Variants in AFAP1L2 observed in about 807,000 individuals in gnomAD.
AFAP1L2 encodes actin filament-associated protein 1-like 2.
AFAP1L2 carries 46 observed loss-of-function variants against 99.3 expected under a neutral mutation model. The ratio of observed to expected loss-of-function variants is 0.46; its 90% confidence interval spans 0.37 to 0.59. The LOEUF is 0.59. Among genes scored for constraint, AFAP1L2 ranks in the 20% least tolerant of loss-of-function variants. The pLI, the probability that AFAP1L2 is intolerant of heterozygous loss-of-function variation, is 0.00. For synonymous variants in AFAP1L2, 397 were observed against 419.1 expected (o/e 0.95, Z 0.64); for missense variants, 959 against 1,034.9 (o/e 0.93, Z 1.01).
intron 1 of AFAP1L2, among the ~76,000 whole-genome samples, chr10:114,402,194 T>C (rs1299273448): frequency 6.6e-6 from 1 of 152,254 alleles, no homozygotes; most frequent in Non-Finnish European, 1.5e-5. Flanking sequence ...TTTAAGAAGA[T>C]GGCCCCAGTC....
In AFAP1L2 at chr10:114,388,686, G is replaced by A. The variant is rs2056804019; in HGVS notation, c.16+15754C>T. ...GAAAATGTCCATTGTGTGAATACCT[G>A]GATATTCTCCCATTTAAAGGGGCTA... On this transcript the variant is annotated intron_variant, in intron 1 of 18. Transcript: ENST00000304129. Among the ~76,000 whole-genome samples, 3 of 152,122 alleles carry A rather than the reference G, an allele frequency of 2.0e-5. No homozygotes were observed. The South Asian group carries it at 6.2e-4, about 31-fold the overall frequency.
At chr10:114,361,099 C>A (rs557712592) in intron 1 of AFAP1L2, among the ~76,000 whole-genome samples, 2 of 152,264 alleles carry the variant, frequency 1.3e-5, no homozygotes, top group African/African-American at 4.8e-5. Flanking sequence ...GGAAAACTCC[C>A]CCCTTATAAT....
the AFAP1L2 span, chr10:114,286,512 G>GT: frequency 6.4e-7 from 1 of 1,559,794 alleles, no homozygotes. Flanking sequence ...CAGCGGCCAG[G>GT]TAAGGTCCCA....
At chr10:114,340,871 G>A (rs559264079) in intron 1 of AFAP1L2, 140 bp from the exon 2 acceptor site, 74 of 1,190,098 alleles carry the variant, frequency 6.2e-5, no homozygotes, top group East Asian at 4.5e-4. Flanking sequence ...GTCTGGCAGC[G>A]TATGGGGGGA....
intron 1 of AFAP1L2, among the ~76,000 whole-genome samples, chr10:114,379,251 A>G (rs2055259720): frequency 6.6e-6 from 1 of 151,510 alleles, no homozygotes. Flanking sequence ...ATCACTGGCC[A>G]TCACTGAGGG....
Position 114,295,718 on chromosome 10 carries a change from AG to A in AFAP1L2, c.*323del. On this transcript the variant is annotated 3_prime_UTR_variant, in exon 19 of 19. Coordinates refer to ENST00000304129, the MANE Select transcript of AFAP1L2 (RefSeq NM_001001936.3). ...CATCTTCCACCAAAGTCTAAACAGG[AG>A]GTTTTCACTATTTAAAAATCTTAGT... is the stretch of plus-strand genomic sequence containing the variant. 1.4e-5 allele frequency: 15 copies of A among 1,081,098 alleles called. No homozygotes were observed. Among genetic ancestry groups the A allele is most frequent in the Non-Finnish European group, 1.7e-5 (15 of 890,882 alleles). The allele number at this position is 1,081,098 out of a possible 1,614,324, so 67.0% of individuals were successfully genotyped here.
At position 114,301,051 on chromosome 10, in the gene AFAP1L2, G is replaced by T. The variant is rs116918534; in HGVS notation, c.1542+303C>A. Among the ~76,000 whole-genome samples the T allele has an allele frequency of 1.4e-4, 22 of 152,236 alleles. No individual in the cohort carries two copies. The South Asian group carries it at 2.1e-3, about 14-fold the overall frequency. On this transcript the variant is annotated intron_variant, in intron 13 of 18. Transcript: ENST00000304129. ...GGTGTGATCATCCCACTCAACAACCGATTTGGACCTGGAAGCCTACTGGTA... is the reference window on the plus strand; with the variant it reads ...GGTGTGATCATCCCACTCAACAACCTATTTGGACCTGGAAGCCTACTGGTA...
chr10:114,374,626 C>T (rs2054556942), intron 1 of AFAP1L2, among the ~76,000 whole-genome samples: 1 of 151,928 alleles, frequency 6.6e-6, no homozygotes, highest in Admixed American at 6.6e-5. Context: ...TACACAGGAG[C>T]TGCCAGAGTC....
chr10:114,404,320 G>T, intron 1 of AFAP1L2, 120 bp downstream of exon 1: 1 of 1,168,674 alleles, frequency 8.6e-7, no homozygotes, highest in Non-Finnish European at 1.2e-6. Context: ...GGTCCGGGCT[G>T]GGTGGGGGCA....
At chr10:114,325,321 G>A (rs1397688653) in intron 4 of AFAP1L2, among the ~76,000 whole-genome samples, 1 of 152,202 alleles carries the variant, frequency 6.6e-6, no homozygotes, top group African/African-American at 2.4e-5. Context: ...GGGTCTGCAG[G>A]TTGCGCAGTG....
intron 10 of AFAP1L2, among the ~76,000 whole-genome samples, chr10:114,305,349 G>A (rs1440746764): frequency 5.0e-5 from 7 of 139,158 alleles, no homozygotes; most frequent in African/African-American, 2.7e-5. Context: ...GAGGGGACTG[G>A]GCTGCAGGAG....
chr10:114,404,407 G>T, intron 1 of AFAP1L2, 33 bp downstream of exon 1: 1 of 1,535,656 alleles, frequency 6.5e-7, no homozygotes, highest in Non-Finnish European at 8.8e-7. Flanking sequence ...AAAGGGAGTG[G>T]GTGTGCGCCG....
chr10:114,365,167 C>G (rs542475989), intron 1 of AFAP1L2, among the ~76,000 whole-genome samples: 2 of 152,302 alleles, frequency 1.3e-5, no homozygotes, highest in African/African-American at 2.4e-5. Context: ...GCCTGCCTCT[C>G]CTCTCCTACT....
chr10:114,314,364 C>A (rs903739661), intron 6 of AFAP1L2, among the ~76,000 whole-genome samples: 12 of 152,222 alleles, frequency 7.9e-5, no homozygotes, highest in African/African-American at 2.4e-4. Flanking sequence ...AATACGTCCT[C>A]TGTGTTCACC....
At chr10:114,386,743 C>T (rs980144685) in intron 1 of AFAP1L2, among the ~76,000 whole-genome samples, 3 of 152,174 alleles carry the variant, frequency 2.0e-5, no homozygotes, top group East Asian at 1.9e-4. Flanking sequence ...AGGGAGTGAC[C>T]GAGCAAAGCA....
intron 1 of AFAP1L2, among the ~76,000 whole-genome samples, chr10:114,358,427 G>C (rs1239953568): frequency 6.6e-6 from 1 of 152,146 alleles, no homozygotes; most frequent in Non-Finnish European, 1.5e-5. Context: ...TCATCCCTTA[G>C]ATGAAGAAAC....
intron 4 of AFAP1L2, chr10:114,325,945 C>G (rs1434993700): frequency 7.8e-7 from 1 of 1,289,376 alleles, no homozygotes; most frequent in East Asian, 5.6e-5. Flanking sequence ...GGCTGGGCCT[C>G]CAGCTCCAGC....
intron 2 of AFAP1L2, among the ~76,000 whole-genome samples, chr10:114,336,640 T>G (rs2048016348): frequency 7.0e-6 from 1 of 143,300 alleles, no homozygotes; most frequent in South Asian, 2.2e-4. Context: ...ACAGAACATT[T>G]GAAGTGCTTT....
At chr10:114,314,115 AGGAGG>A in intron 6 of AFAP1L2, 65 bp from the exon 7 acceptor site, 1 of 1,518,624 alleles carries the variant, frequency 6.6e-7, no homozygotes, top group Non-Finnish European at 9.0e-7. Flanking sequence ...ATGTCTGCAA[AGGAGG>A]GGCCGCTGGA....
Sources: allele counts gnomAD v4.1 joint callset (sites outside exome capture counted in the v4.1 genomes callset), GRCh38; gene constraint gnomAD v4.1.1; transcripts MANE v1.5; gene names NCBI Gene and HGNC (gene_info 2026-07-23, HGNC 2026-07-21).